The following CNTN5 variants were observed in gnomAD, a reference collection of about 807,000 sequenced individuals.
CNTN5 encodes the protein contactin 5.
Under a neutral mutation model 129.1 loss-of-function variants are expected in CNTN5, and 77 were observed. The observed-to-expected ratio is 0.60, with a 90% CI of 0.50 to 0.72. CNTN5 has a LOEUF of 0.72. Ranked by LOEUF, CNTN5 falls within the 30% of genes least tolerant of loss-of-function variation. The pLI is 0.00. For missense variants in CNTN5, 1,478 were observed against 1,328.8 expected (o/e 1.11, Z -1.75); for synonymous variants, 509 against 465.6 (o/e 1.09, Z -1.20).
At chr11:99,427,765 C>CAAAAAAA (rs36085825) in intron 2 of CNTN5, among the ~76,000 whole-genome samples, 1 of 32,360 alleles carries the variant, frequency 3.1e-5, no homozygotes, top group African/African-American at 9.0e-5. Context: ...GACTCAGTCT[C>CAAAAAAA]AAAAAAAAAA....
chr11:99,863,676 G>C (rs559965963), intron 6 of CNTN5, among the ~76,000 whole-genome samples: 1 of 152,234 alleles, frequency 6.6e-6, no homozygotes, highest in African/African-American at 2.4e-5. Flanking sequence ...TTCTACTTTA[G>C]TTCAAACTAT....
chr11:100,309,430 C>A, intron 21 of CNTN5: 1 of 967,118 alleles, frequency 1.0e-6, no homozygotes, highest in South Asian at 4.8e-5. Context: ...AAAATTTATA[C>A]AATCTTTCTA....
chr11:99,477,726 G>A (rs977975408), intron 2 of CNTN5, among the ~76,000 whole-genome samples: 10 of 151,584 alleles, frequency 6.6e-5, no homozygotes, highest in African/African-American at 2.4e-4. Flanking sequence ...AAGGGAGGAG[G>A]ATTGCCTGAG....
intron 2 of CNTN5, among the ~76,000 whole-genome samples, chr11:99,361,487 A>G (rs1457983706): frequency 4.6e-5 from 7 of 152,126 alleles, no homozygotes; most frequent in Non-Finnish European, 8.8e-5. Context: ...GTGTGTGGTA[A>G]AATATATTTA....
intron 7 of CNTN5, among the ~76,000 whole-genome samples, chr11:99,930,820 T>C (rs1382434800): frequency 2.3e-5 from 1 of 43,750 alleles, no homozygotes; most frequent in African/African-American, 8.5e-5. Context: ...CACACACACA[T>C]TTTAGTATTT....
chr11:99,166,256 G>T (rs1478920103), intron 1 of CNTN5, among the ~76,000 whole-genome samples: 4 of 151,964 alleles, frequency 2.6e-5, no homozygotes, highest in Admixed American at 1.3e-4. Context: ...CAAAAAATTA[G>T]CCGGGCATGG....
intron 2 of CNTN5, among the ~76,000 whole-genome samples, chr11:99,462,010 G>A (rs568304076): frequency 6.6e-6 from 1 of 152,248 alleles, no homozygotes; most frequent in South Asian, 2.1e-4. Flanking sequence ...GTGATTAGTA[G>A]CCATTGAGTA....
intron 13 of CNTN5, among the ~76,000 whole-genome samples, chr11:100,164,422 A>AC (rs1205825585): frequency 6.6e-6 from 1 of 151,772 alleles, no homozygotes; most frequent in Non-Finnish European, 1.5e-5. Flanking sequence ...TATTCTATAT[A>AC]CCAATCCTCA....
chr11:99,757,441 T>G (rs1944440761), intron 3 of CNTN5, among the ~76,000 whole-genome samples: 1 of 151,844 alleles, frequency 6.6e-6, no homozygotes, highest in Non-Finnish European at 1.5e-5. Context: ...AGTGCCCCAC[T>G]CTAATTATAA....
intron 3 of CNTN5, among the ~76,000 whole-genome samples, chr11:99,715,449 A>G (rs1290402768): frequency 2.6e-5 from 4 of 151,580 alleles, no homozygotes; most frequent in African/African-American, 4.8e-5. Context: ...ATCTTTCTTT[A>G]GTGGTGGCAT....
At chr11:99,583,715 C>A (rs1949696247) in intron 3 of CNTN5, among the ~76,000 whole-genome samples, 2 of 152,068 alleles carry the variant, frequency 1.3e-5, no homozygotes, top group Non-Finnish European at 2.9e-5. Flanking sequence ...TTTCCAGGTG[C>A]CGTCTGTCAC....
chr11:99,678,129 G>A (rs1345923214), intron 3 of CNTN5, among the ~76,000 whole-genome samples: 3 of 151,998 alleles, frequency 2.0e-5, no homozygotes, highest in Admixed American at 2.0e-4. Context: ...AATAATTGTT[G>A]AATAAGTTAT....
chr11:99,539,666 A>G (rs1373794447), intron 2 of CNTN5, among the ~76,000 whole-genome samples: 1 of 152,136 alleles, frequency 6.6e-6, no homozygotes, highest in African/African-American at 2.4e-5. Flanking sequence ...CACAGCCAGG[A>G]ACATGTCCAG....
chr11:99,367,744 G>A (rs1385900898), intron 2 of CNTN5, among the ~76,000 whole-genome samples: 1 of 151,966 alleles, frequency 6.6e-6, no homozygotes, highest in East Asian at 1.9e-4. Context: ...AGGATGGGTG[G>A]AGAGAGAGAG....
chr11:99,725,655 G>T (rs1214571113), intron 3 of CNTN5, among the ~76,000 whole-genome samples: 6 of 152,066 alleles, frequency 3.9e-5, no homozygotes, highest in African/African-American at 1.4e-4. Context: ...CTTCAAAAAA[G>T]ATATTATTTT....
At chr11:100,156,684 T>C (rs768832810) in intron 13 of CNTN5, among the ~76,000 whole-genome samples, 26 of 152,180 alleles carry the variant, frequency 1.7e-4, no homozygotes, top group Non-Finnish European at 3.5e-4. Flanking sequence ...TATCGGTCTA[T>C]TCAGGGATTC....
intron 16 of CNTN5, among the ~76,000 whole-genome samples, chr11:100,246,810 G>C (rs1245632197): frequency 6.6e-6 from 1 of 151,982 alleles, no homozygotes; most frequent in Non-Finnish European, 1.5e-5. Flanking sequence ...TTAAGTCAAC[G>C]ACTACACTAA....
rs551772708 is a variant in CNTN5, at chr11:99,569,325, A to G, written c.55+13056A>G. 1.2e-3 allele frequency among the ~76,000 whole-genome samples: 178 copies of G among 151,430 alleles called. 3 individuals carry two copies. Among genetic ancestry groups the G allele is most frequent in the Non-Finnish European group, 5.5e-4 (37 of 67,838 alleles). On this transcript the variant is annotated intron_variant, in intron 3 of 24. Transcript: ENST00000524871. ...TTATTATTTATTTATTTATTTATTTATTTTTTGAGGCAGAGTCTCGCTCTG... is the reference window on the plus strand; with the variant it reads ...TTATTATTTATTTATTTATTTATTTGTTTTTTGAGGCAGAGTCTCGCTCTG...
intron 8 of CNTN5, among the ~76,000 whole-genome samples, chr11:99,969,272 C>G (rs564343196): frequency 1.7e-4 from 26 of 152,164 alleles, no homozygotes; most frequent in Admixed American, 7.2e-4. Flanking sequence ...TAGTCTTTTT[C>G]TTGATTTCCT....
Sources: allele counts gnomAD v4.1 joint callset (sites outside exome capture counted in the v4.1 genomes callset), GRCh38; gene constraint gnomAD v4.1.1; transcripts MANE v1.5; gene names NCBI Gene and HGNC (gene_info 2026-07-23, HGNC 2026-07-21).